SLC71A2: variants seen among roughly 807,000 people sequenced by gnomAD.
SLC71A2 encodes hippocampus abundant transcript-like 1.
the SLC71A2 span, among the ~76,000 whole-genome samples, chr9:94,410,122 G>A: frequency 6.6e-6 from 1 of 151,652 alleles, no homozygotes; most frequent in Non-Finnish European, 1.5e-5. Flanking sequence ...CGAGACTGGA[G>A]TCTCACTTTG....
At chr9:94,456,376 G>A in the SLC71A2 span, 15 of 1,510,854 alleles carry the variant, frequency 9.9e-6, no homozygotes, top group Middle Eastern at 1.7e-4. Context: ...CTCCTTCAAC[G>A]GGAGACCTCC....
the SLC71A2 span, among the ~76,000 whole-genome samples, chr9:94,408,734 T>G: frequency 6.6e-6 from 1 of 150,528 alleles, no homozygotes; most frequent in African/African-American, 2.5e-5. Context: ...TCAGGTCTTC[T>G]GTTTTCTTGG....
the SLC71A2 span, among the ~76,000 whole-genome samples, chr9:94,391,764 G>A: frequency 6.7e-6 from 1 of 150,214 alleles, no homozygotes; most frequent in Admixed American, 6.6e-5. Context: ...TAGTGGGCAC[G>A]TGTAGTCCCA....
the SLC71A2 span, among the ~76,000 whole-genome samples, chr9:94,401,037 T>C: frequency 6.6e-6 from 1 of 152,370 alleles, no homozygotes; most frequent in Admixed American, 6.5e-5. Flanking sequence ...CTTGTTGTTT[T>C]AATTTGCATT....
chr9:94,425,003 G>A, the SLC71A2 span, among the ~76,000 whole-genome samples: 4 of 151,740 alleles, frequency 2.6e-5, no homozygotes, highest in African/African-American at 9.7e-5. Context: ...CTTTGAGACT[G>A]TCCAGATATC....
chr9:94,458,697 A>C, the SLC71A2 span, among the ~76,000 whole-genome samples: 1 of 152,218 alleles, frequency 6.6e-6, no homozygotes, highest in African/African-American at 2.4e-5. Context: ...CACCTACACA[A>C]TCACTACACT....
the SLC71A2 span, chr9:94,459,040 T>C: frequency 9.2e-7 from 1 of 1,084,900 alleles, no homozygotes; most frequent in South Asian, 1.5e-5. Flanking sequence ...TAATGAAACA[T>C]TTGCTTATGA....
the SLC71A2 span, chr9:94,446,692 C>G: frequency 4.1e-6 from 2 of 489,404 alleles, no homozygotes; most frequent in East Asian, 6.8e-5. Context: ...GGTGATAGAA[C>G]TTCCTTTTAT....
At chr9:94,410,588 A>G in the SLC71A2 span, among the ~76,000 whole-genome samples, 5 of 152,206 alleles carry the variant, frequency 3.3e-5, no homozygotes, top group Non-Finnish European at 5.9e-5. Context: ...AAGGGGTCCT[A>G]TAAATCAATA....
chr9:94,455,230 C>T, the SLC71A2 span, among the ~76,000 whole-genome samples: 1 of 127,156 alleles, frequency 7.9e-6, no homozygotes, highest in Non-Finnish European at 1.6e-5. Context: ...TACAGTGGCA[C>T]AATCATGGCT....
chr9:94,396,809 T>C, the SLC71A2 span, among the ~76,000 whole-genome samples: 3 of 152,192 alleles, frequency 2.0e-5, no homozygotes, highest in African/African-American at 7.2e-5. Context: ...TCGCTCTTCT[T>C]GCCCAGGCTG....
the SLC71A2 span, among the ~76,000 whole-genome samples, chr9:94,455,378 A>ATTTTTTTTTTTTTTTTT: frequency 1.4e-4 from 12 of 85,778 alleles, 1 homozygote; most frequent in South Asian, 4.4e-4. Flanking sequence ...TAATATTCTG[A>ATTTTTTTTTTTTTTTTT]TTTTTTTTTT....
chr9:94,433,492 G>A, the SLC71A2 span, among the ~76,000 whole-genome samples: 1 of 150,962 alleles, frequency 6.6e-6, no homozygotes, highest in Non-Finnish European at 1.5e-5. Flanking sequence ...GACCAACATC[G>A]AGAAACCCTG....
chr9:94,454,128 TG>T, the SLC71A2 span: 1 of 1,210,546 alleles, frequency 8.3e-7, no homozygotes, highest in Non-Finnish European at 1.2e-6. Flanking sequence ...TAGAGGAGCT[TG>T]GGGTGGTTGG....
At chr9:94,385,786 C>T in the SLC71A2 span, among the ~76,000 whole-genome samples, 1 of 151,686 alleles carries the variant, frequency 6.6e-6, no homozygotes, top group East Asian at 1.9e-4. Context: ...TGTGTGTTTT[C>T]CAATTTTGTA....
chr9:94,459,306 C>T, the SLC71A2 span: 1 of 1,614,180 alleles, frequency 6.2e-7, no homozygotes, highest in Non-Finnish European at 8.5e-7. Flanking sequence ...CTGACCAACA[C>T]CCCAGAACGG....
chr9:94,391,188 T>C, the SLC71A2 span, among the ~76,000 whole-genome samples: 1 of 141,636 alleles, frequency 7.1e-6, no homozygotes. Flanking sequence ...ACCAGCCTAA[T>C]GTCTCTACCA....
chr9:94,449,368 TATA>T, the SLC71A2 span, among the ~76,000 whole-genome samples: 5 of 152,206 alleles, frequency 3.3e-5, no homozygotes, highest in African/African-American at 9.7e-5. Flanking sequence ...GTAGAACTCT[TATA>T]ATAAAAGACT....
At chr9:94,375,051 G>T in the SLC71A2 span, 22,475 of 577,320 alleles carry the variant, frequency 0.039, 727 homozygotes, top group African/African-American at 0.12. Flanking sequence ...GTCCTTTTCT[G>T]GGGGGGGAGG....
Sources: gnomAD v4.1 joint callset for allele counts (sites outside exome capture counted in the v4.1 genomes callset) on GRCh38, gnomAD v4.1.1 for gene constraint, MANE v1.5 for transcripts, NCBI Gene and HGNC (gene_info 2026-07-23, HGNC 2026-07-21) for gene names.